The following SGIP1 variants were observed in gnomAD, a reference collection of about 807,000 sequenced individuals.
The protein encoded by SGIP1 is SH3GL interacting endocytic adaptor 1.
A neutral mutation model predicts 107.5 loss-of-function variants in SGIP1; 38 were observed. The ratio of observed to expected loss-of-function variants is 0.35; its 90% CI spans 0.27 to 0.46. The LOEUF (loss-of-function observed/expected upper bound fraction) is 0.46. Among genes scored for constraint, SGIP1 ranks in the 20% least tolerant of loss-of-function variants. The pLI is 1.00. For synonymous variants in SGIP1, 365 were observed against 366.1 expected (o/e 1.00, Z 0.03); for missense variants, 929 against 1,019.5 (o/e 0.91, Z 1.21).
At chr1:66,556,901 G>A (rs2058261924) in intron 1 of SGIP1, among the ~76,000 whole-genome samples, 1 of 152,126 alleles carries the variant, frequency 6.6e-6, no homozygotes, top group South Asian at 2.1e-4. Flanking sequence ...AGTTATTTAA[G>A]AGAATGTCAG....
chr1:66,619,421 T>C (rs925850670), intron 1 of SGIP1, among the ~76,000 whole-genome samples: 1 of 152,254 alleles, frequency 6.6e-6, no homozygotes, highest in Non-Finnish European at 1.5e-5. Context: ...AGGCTCCGCC[T>C]GCCCCAGTGT....
At chr1:66,621,048 C>A (rs190957196) in intron 1 of SGIP1, among the ~76,000 whole-genome samples, 2 of 152,280 alleles carry the variant, frequency 1.3e-5, no homozygotes, top group Non-Finnish European at 2.9e-5. Flanking sequence ...AGCTCACCAT[C>A]TAGTGGGATT....
At chr1:66,691,040 C>T (rs1332032529) in intron 17 of SGIP1, among the ~76,000 whole-genome samples, 4 of 152,144 alleles carry the variant, frequency 2.6e-5, no homozygotes, top group Admixed American at 6.5e-5. Flanking sequence ...CTTTTTCCAC[C>T]TCCCAGCAGG....
chr1:66,598,468 G>A (rs964202404), intron 1 of SGIP1, among the ~76,000 whole-genome samples: 1 of 152,142 alleles, frequency 6.6e-6, no homozygotes, highest in Non-Finnish European at 1.5e-5. Context: ...CTCTGGCCAC[G>A]TGTATTAGTT....
At chr1:66,571,380 TA>T in intron 1 of SGIP1, among the ~76,000 whole-genome samples, 1 of 151,956 alleles carries the variant, frequency 6.6e-6, no homozygotes, top group Non-Finnish European at 1.5e-5. Context: ...AACATACTAT[TA>T]AAAAGATATG....
intron 1 of SGIP1, among the ~76,000 whole-genome samples, chr1:66,578,855 G>C (rs1270081647): frequency 6.6e-6 from 1 of 152,124 alleles, no homozygotes; most frequent in Non-Finnish European, 1.5e-5. Context: ...ATTTTTAGTA[G>C]AGGTGGGGTA....
rs528593503 is a variant in SGIP1 at position 66,668,668 on chromosome 1, C to A, written c.483+1127C>A. ...TATTATTTGATGCAAATACCCTGCC[C>A]CAGGTGACCAGTTGGTGGTTCTCTG... On this transcript the variant is annotated intron_variant, in intron 9 of 24. Transcript: ENST00000371037. Among the ~76,000 whole-genome samples, 30 of 152,304 alleles carry A rather than the reference C, an allele frequency of 2.0e-4. No individual in the cohort carries two copies. In the South Asian group the frequency reaches 5.8e-3, roughly 29 times the overall value.
At chr1:66,541,217 C>T (rs751305132) in intron 1 of SGIP1, among the ~76,000 whole-genome samples, 13 of 152,224 alleles carry the variant, frequency 8.5e-5, no homozygotes, top group South Asian at 2.1e-4. Flanking sequence ...ATCGAATGCA[C>T]ACTAGGCATT....
intron 20 of SGIP1, among the ~76,000 whole-genome samples, chr1:66,731,116 T>C (rs76728116): frequency 0.014 from 2,209 of 152,354 alleles, 60 homozygotes; most frequent in African/African-American, 0.051. Flanking sequence ...TTTGTAGCAC[T>C]TACTACAGTT....
At chr1:66,729,211 G>C in intron 19 of SGIP1, 53 bp from the exon 20 acceptor site, 1 of 1,598,180 alleles carries the variant, frequency 6.3e-7, no homozygotes, top group South Asian at 1.1e-5. Context: ...TTTTGATTCA[G>C]TGTATTGACA....
chr1:66,696,914 A>G (rs1375233188), intron 18 of SGIP1, among the ~76,000 whole-genome samples: 1 of 152,236 alleles, frequency 6.6e-6, no homozygotes, highest in Non-Finnish European at 1.5e-5. Flanking sequence ...AAGAAACTAC[A>G]GTTGCATAAG....
At chr1:66,665,433 C>A (rs913110313) in intron 8 of SGIP1, among the ~76,000 whole-genome samples, 1 of 152,144 alleles carries the variant, frequency 6.6e-6, no homozygotes, top group Admixed American at 6.5e-5. Context: ...AATAAACATA[C>A]GTGTGCATGT....
intron 18 of SGIP1, among the ~76,000 whole-genome samples, chr1:66,697,740 T>C (rs1432263171): frequency 6.6e-6 from 1 of 152,200 alleles, no homozygotes; most frequent in African/African-American, 2.4e-5. Context: ...AAGAATTTTT[T>C]TAATTTTTCT....
chr1:66,696,582 A>C (rs2090967201), intron 18 of SGIP1, among the ~76,000 whole-genome samples: 4 of 152,206 alleles, frequency 2.6e-5, no homozygotes, highest in Admixed American at 1.3e-4. Context: ...TTTGCTTGCA[A>C]GATAGTCATA....
chr1:66,680,205 TGGTGGG>T (rs2086370177), intron 14 of SGIP1, among the ~76,000 whole-genome samples: 1 of 152,282 alleles, frequency 6.6e-6, no homozygotes, highest in Admixed American at 6.5e-5. Context: ...AGCATACTGG[TGGTGGG>T]GAAATTCTTT....
intron 18 of SGIP1, among the ~76,000 whole-genome samples, chr1:66,710,969 G>A (rs1348028527): frequency 6.6e-6 from 1 of 152,100 alleles, no homozygotes; most frequent in Non-Finnish European, 1.5e-5. Flanking sequence ...TTGAATCAAA[G>A]CCAAACCTAA....
chr1:66,593,011 T>C (rs2312153), intron 1 of SGIP1, among the ~76,000 whole-genome samples: 20,258 of 147,960 alleles, frequency 0.14, 1,761 homozygotes, highest in East Asian at 0.32. Flanking sequence ...CCCAAAGTGC[T>C]AAGATTGCAG....
At chr1:66,683,638 T>C (rs1176710043) in intron 15 of SGIP1, among the ~76,000 whole-genome samples, 1 of 151,490 alleles carries the variant, frequency 6.6e-6, no homozygotes, top group Non-Finnish European at 1.5e-5. Context: ...AGCCTTTATT[T>C]TGCAAATAGT....
chr1:66,623,350 A>G (rs1377109844), intron 1 of SGIP1, among the ~76,000 whole-genome samples: 1 of 152,078 alleles, frequency 6.6e-6, no homozygotes, highest in Non-Finnish European at 1.5e-5. Context: ...CCCAGATTCA[A>G]GCAATTCTCC....
Sources: allele counts gnomAD v4.1 joint callset (sites outside exome capture counted in the v4.1 genomes callset), GRCh38; gene constraint gnomAD v4.1.1; transcripts MANE v1.5; gene names NCBI Gene and HGNC (gene_info 2026-07-23, HGNC 2026-07-21).